TBL1X: variants seen among roughly 807,000 people sequenced by gnomAD.
The protein encoded by TBL1X is F-box-like/WD repeat-containing protein TBL1X.
Under a neutral mutation model 50.7 loss-of-function variants are expected in TBL1X, and 10 were observed. That is an observed-to-expected ratio of 0.20 (90% CI 0.12 to 0.33). TBL1X has a LOEUF of 0.33. TBL1X is among the 10% of genes least tolerant of loss of function. The pLI is 1.00. For synonymous variants in TBL1X, 190 were observed against 214.7 expected (o/e 0.88, Z 1.01); for missense variants, 340 against 504.4 (o/e 0.67, Z 3.12).
chrX:9,477,286 C>T lies in TBL1X; in HGVS notation c.-201+11839C>T, dbSNP rs140669917. ...TTGGGCTGGATTCGTAGTTTGCTAT[C>T]TAAGAGTAAATGTTCAACCTTCTCT... On this transcript the variant is annotated intron_variant, in intron 1 of 17. Transcript: ENST00000645353. Among the ~76,000 whole-genome samples, 33 of 112,289 alleles carry T rather than the reference C, an allele frequency of 2.9e-4. No homozygotes were observed. The East Asian group carries it at 8.6e-3, about 29-fold the overall frequency.
intron 11 of TBL1X, among the ~76,000 whole-genome samples, chrX:9,696,437 A>G (rs1337139217): frequency 8.9e-6 from 1 of 112,945 alleles, no homozygotes; most frequent in African/African-American, 3.2e-5. Context: ...AAAGTTTCCA[A>G]TTAAGTTGAA....
intron 6 of TBL1X, among the ~76,000 whole-genome samples, chrX:9,684,443 C>T (rs2083044199): frequency 9.2e-6 from 1 of 108,441 alleles, no homozygotes; most frequent in Admixed American, 9.9e-5. Context: ...TTTTAATTAG[C>T]CCAGTGTGGT....
chrX:9,615,136 C>T (rs919079946), intron 2 of TBL1X, among the ~76,000 whole-genome samples: 1 of 111,855 alleles, frequency 8.9e-6, no homozygotes, highest in Admixed American at 9.5e-5. Flanking sequence ...AGATGGAATG[C>T]TTTACCCCTT....
intron 2 of TBL1X, among the ~76,000 whole-genome samples, chrX:9,520,521 C>T (rs991550081): frequency 1.8e-5 from 2 of 111,127 alleles, no homozygotes; most frequent in Middle Eastern, 4.6e-3. Flanking sequence ...TGATGAGAGG[C>T]GAGAGGAGAC....
At position 9,632,366 on chromosome X, in the gene TBL1X, C is replaced by T. The variant is rs1166896084; in HGVS notation, c.-130-7907C>T. On this transcript the variant is annotated intron_variant, in intron 2 of 17. Transcript: ENST00000645353. ...CGCGATCTTAGCTTACCGCAACCTC[C>T]GCCTCCCGAGTTCAAGCGATTCTCG... Among the ~76,000 whole-genome samples the T allele has an allele frequency of 4.5e-5, 5 of 111,718 alleles. No homozygotes were observed. The East Asian group carries it at 1.1e-3, about 25-fold the overall frequency.
chrX:9,621,893 A>C (rs2082668650), intron 2 of TBL1X, among the ~76,000 whole-genome samples: 1 of 111,958 alleles, frequency 8.9e-6, no homozygotes, highest in African/African-American at 3.2e-5. Context: ...AGATTCTGAG[A>C]CTGTTTCTAG....
intron 1 of TBL1X, among the ~76,000 whole-genome samples, chrX:9,466,779 G>A (rs931491276): frequency 7.1e-5 from 8 of 112,389 alleles, no homozygotes; most frequent in African/African-American, 2.6e-4. Flanking sequence ...AAATACAGAA[G>A]AACGTTGAGT....
intron 2 of TBL1X, among the ~76,000 whole-genome samples, chrX:9,608,621 C>G (rs748378404): frequency 8.9e-5 from 10 of 111,930 alleles, no homozygotes; most frequent in Non-Finnish European, 1.5e-4. Context: ...TTTTCTTTTC[C>G]CAAATCCCTT....
intron 2 of TBL1X, among the ~76,000 whole-genome samples, chrX:9,585,340 T>TCCCCCCCC (rs397840236): frequency 7.6e-4 from 44 of 58,051 alleles, no homozygotes; most frequent in Non-Finnish European, 9.2e-4. Context: ...CCCCCTCCCC[T>TCCCCCCCC]CCCCCCCCCG....
intron 1 of TBL1X, among the ~76,000 whole-genome samples, chrX:9,487,579 C>T (rs1190137188): frequency 8.9e-6 from 1 of 112,310 alleles, no homozygotes; most frequent in Admixed American, 9.5e-5. Flanking sequence ...CCTCCAATTA[C>T]ATTTAAAATG....
intron 2 of TBL1X, among the ~76,000 whole-genome samples, chrX:9,517,117 TAGTC>T (rs2082084163): frequency 9.0e-6 from 1 of 110,948 alleles, no homozygotes; most frequent in South Asian, 3.9e-4. Context: ...AGAGTAGAGA[TAGTC>T]AGATAGGGCC....
intron 2 of TBL1X, among the ~76,000 whole-genome samples, chrX:9,609,234 G>A (rs1442376255): frequency 9.0e-6 from 1 of 111,556 alleles, no homozygotes; most frequent in Non-Finnish European, 1.9e-5. Context: ...TTAATATGCT[G>A]TAAGCAGTTT....
intron 2 of TBL1X, among the ~76,000 whole-genome samples, chrX:9,611,122 CTG>C (rs60069654): frequency 0.28 from 30,442 of 110,611 alleles, 3,363 homozygotes; most frequent in East Asian, 0.67. Context: ...TGTATGGAAA[CTG>C]TGAATGGAGA....
At chrX:9,640,825 G>T (rs147131102) in intron 3 of TBL1X, among the ~76,000 whole-genome samples, 1,808 of 111,076 alleles carry the variant, frequency 0.016, 12 homozygotes, top group Non-Finnish European at 0.026. Context: ...GTAGAGACAG[G>T]GTTTCACCAT....
intron 1 of TBL1X, among the ~76,000 whole-genome samples, chrX:9,478,791 A>G (rs2081863417): frequency 8.9e-6 from 1 of 111,904 alleles, no homozygotes; most frequent in South Asian, 3.7e-4. Context: ...TCTCTGAACT[A>G]CCTTTGGGGA....
chrX:9,686,183 C>T (rs1362432226), intron 6 of TBL1X, among the ~76,000 whole-genome samples: 1 of 111,886 alleles, frequency 8.9e-6, no homozygotes, highest in African/African-American at 3.3e-5. Flanking sequence ...CTAGTTTCCT[C>T]ACTGCAAAAC....
At chrX:9,687,681 G>T (rs1382133016) in intron 6 of TBL1X, among the ~76,000 whole-genome samples, 2 of 66,444 alleles carry the variant, frequency 3.0e-5, no homozygotes, top group Non-Finnish European at 5.8e-5. Flanking sequence ...GTCACCCCCC[G>T]CCCCCGCCAC....
At chrX:9,690,785 G>A (rs2083091696) in intron 7 of TBL1X, among the ~76,000 whole-genome samples, 1 of 111,815 alleles carries the variant, frequency 8.9e-6, no homozygotes, top group Non-Finnish European at 1.9e-5. Context: ...CTGGGGTACA[G>A]TGGCACAATC....
At chrX:9,691,435 C>CAAAAA (rs367934787) in intron 7 of TBL1X, 144 bp from the exon 8 acceptor site, 7 of 360,917 alleles carry the variant, frequency 1.9e-5, no homozygotes, top group East Asian at 6.8e-5. Flanking sequence ...GATTCCGTCT[C>CAAAAA]AAAAAAAAAA....
Sources: gnomAD v4.1 joint callset for allele counts (sites outside exome capture counted in the v4.1 genomes callset) on GRCh38, gnomAD v4.1.1 for gene constraint, MANE v1.5 for transcripts, NCBI Gene and HGNC (gene_info 2026-07-23, HGNC 2026-07-21) for gene names.